Variants in NDUFAF6 observed in about 807,000 individuals in gnomAD.
NDUFAF6 encodes the protein NADH dehydrogenase (ubiquinone) complex I, assembly factor 6.
In NDUFAF6, 45 loss-of-function variants were observed where a neutral mutation model predicts 40.8. That is an observed-to-expected ratio of 1.10 (90% CI 0.87 to 1.42). The LOEUF is 1.42. Ranked by LOEUF, NDUFAF6 falls within the 40% of genes most tolerant of loss-of-function variation. The pLI, the probability that NDUFAF6 is intolerant of heterozygous loss-of-function variation, is 0.00. For synonymous variants in NDUFAF6, 185 were observed against 155.9 expected (o/e 1.19, Z -1.39); for missense variants, 435 against 418.5 (o/e 1.04, Z -0.34).
intron 1 of NDUFAF6, among the ~76,000 whole-genome samples, chr8:94,969,930 G>A (rs1328324602): frequency 6.6e-6 from 1 of 152,082 alleles, no homozygotes; most frequent in East Asian, 1.9e-4. Flanking sequence ...AAAGAAAACT[G>A]GCACCATTAG....
chr8:94,990,496 C>T (rs1028349850), intron 2 of NDUFAF6, among the ~76,000 whole-genome samples: 2 of 152,130 alleles, frequency 1.3e-5, no homozygotes, highest in African/African-American at 4.8e-5. Context: ...TTCTTGAGTT[C>T]CCTGCTCTCT....
chr8:94,994,534 GAA>G (rs199859068), intron 2 of NDUFAF6, among the ~76,000 whole-genome samples: 3 of 135,598 alleles, frequency 2.2e-5, no homozygotes, highest in Admixed American at 7.5e-5. Flanking sequence ...CATCTCAAAG[GAA>G]AAAAAAAAAA....
At chr8:94,977,725 GT>G (rs1825090058) in intron 1 of NDUFAF6, among the ~76,000 whole-genome samples, 1 of 151,962 alleles carries the variant, frequency 6.6e-6, no homozygotes. Flanking sequence ...TTCTGTGGGG[GT>G]CTCAGGCCTT....
Position 95,110,534 on chromosome 8 carries a change from A to G in NDUFAF6, n.345-5002A>G, listed in dbSNP as rs1251806394. Among the ~76,000 whole-genome samples, 4 of 152,224 alleles carry G rather than the reference A, an allele frequency of 2.6e-5. 1 individual carries two copies. Among genetic ancestry groups the G allele is most frequent in the African/African-American group, 9.6e-5 (4 of 41,468 alleles). On this transcript the variant is annotated intron_variant and non_coding_transcript_variant, in intron 4 of 5. Transcript: ENST00000523184. ...TTCTATAGTCTTCAAAAAACCCAATAAGGCAGATACTATTCTTATCCTGAT... is the reference window on the plus strand; with the variant it reads ...TTCTATAGTCTTCAAAAAACCCAATGAGGCAGATACTATTCTTATCCTGAT...
intron 8 of NDUFAF6, among the ~76,000 whole-genome samples, chr8:95,056,472 C>CA (rs896434329): frequency 6.6e-6 from 1 of 152,080 alleles, no homozygotes; most frequent in Non-Finnish European, 1.5e-5. Flanking sequence ...CTCGGTCTCC[C>CA]AAAGTGCTGG....
chr8:95,033,435 T>G (rs919541898), intron 2 of NDUFAF6, among the ~76,000 whole-genome samples: 1 of 152,222 alleles, frequency 6.6e-6, no homozygotes, highest in Non-Finnish European at 1.5e-5. Flanking sequence ...TTGCTGCTGC[T>G]TTGCACATGG....
At chr8:95,080,963 C>T (rs1808839998), downstream of NDUFAF6, among the ~76,000 whole-genome samples, 1 of 152,134 alleles carries the variant, frequency 6.6e-6, no homozygotes, top group South Asian at 2.1e-4. Context: ...TGTTAGCCCA[C>T]CTAGCCTCGT....
chr8:94,921,707 A>G (rs1487284296), intron 1 of NDUFAF6, among the ~76,000 whole-genome samples: 2 of 152,240 alleles, frequency 1.3e-5, no homozygotes, highest in Non-Finnish European at 1.5e-5. Flanking sequence ...CATCTGGGGA[A>G]TCCTACTAAA....
At chr8:95,066,623 T>A (rs1325786230) in intron 9 of NDUFAF6, among the ~76,000 whole-genome samples, 1 of 152,126 alleles carries the variant, frequency 6.6e-6, no homozygotes, top group African/African-American at 2.4e-5. Context: ...TTCACTGTGT[T>A]TAATGAGAAT....
intron 1 of NDUFAF6, among the ~76,000 whole-genome samples, chr8:94,899,357 A>G (rs1373281489): frequency 1.3e-5 from 2 of 152,270 alleles, no homozygotes; most frequent in Admixed American, 6.5e-5. Context: ...AACTGCATAC[A>G]TAGTTGCCCA....
intron 1 of NDUFAF6, among the ~76,000 whole-genome samples, chr8:94,909,657 G>C (rs927044921): frequency 6.6e-6 from 1 of 151,732 alleles, no homozygotes; most frequent in Non-Finnish European, 1.5e-5. Context: ...CAAAAAGCCA[G>C]CCGGGCGTGG....
At chr8:95,035,012 T>C (rs1293710212) in intron 2 of NDUFAF6, among the ~76,000 whole-genome samples, 3 of 152,114 alleles carry the variant, frequency 2.0e-5, no homozygotes, top group African/African-American at 7.2e-5. Flanking sequence ...CCTGAGTAGC[T>C]GGGATTACAG....
At chr8:94,962,725 A>G (rs1449864471) in intron 1 of NDUFAF6, among the ~76,000 whole-genome samples, 1 of 147,570 alleles carries the variant, frequency 6.8e-6, no homozygotes, top group African/African-American at 2.5e-5. Context: ...TGATCCTCCC[A>G]CCTTGGCTTC....
At chr8:95,102,086 C>T (rs559236303) in intron 2 of NDUFAF6, among the ~76,000 whole-genome samples, 2 of 152,234 alleles carry the variant, frequency 1.3e-5, no homozygotes, top group South Asian at 4.1e-4. Context: ...CAACCTCCAC[C>T]TCCCGGGTTC....
At chr8:95,099,268 T>C (rs908514349), upstream of NDUFAF6, among the ~76,000 whole-genome samples, 3 of 151,370 alleles carry the variant, frequency 2.0e-5, no homozygotes, top group African/African-American at 7.3e-5. Context: ...AAAGCTGGCG[T>C]CTCTTTCAGA....
chr8:95,109,523 G>A (rs1809932776), intron 4 of NDUFAF6, among the ~76,000 whole-genome samples: 2 of 152,088 alleles, frequency 1.3e-5, no homozygotes, highest in Non-Finnish European at 1.5e-5. Context: ...ATGATAAGAT[G>A]TATAAATGCG....
intron 1 of NDUFAF6, among the ~76,000 whole-genome samples, chr8:94,968,329 A>G (rs1331402833): frequency 6.6e-6 from 1 of 152,222 alleles, no homozygotes; most frequent in Non-Finnish European, 1.5e-5. Flanking sequence ...TATTCTAGTC[A>G]GTGGAGACAG....
intron 1 of NDUFAF6, 119 bp downstream of exon 1, chr8:95,025,324 C>G: frequency 9.4e-7 from 1 of 1,062,162 alleles, no homozygotes; most frequent in South Asian, 2.4e-5. Flanking sequence ...TCGTGCCCCT[C>G]TGGGTGTGCG....
At chr8:94,900,886 C>T (rs565412792) in intron 1 of NDUFAF6, among the ~76,000 whole-genome samples, 1 of 152,156 alleles carries the variant, frequency 6.6e-6, no homozygotes, top group Non-Finnish European at 1.5e-5. Flanking sequence ...TTAGTTCATT[C>T]ATTAATTCAA....
Sources: gnomAD v4.1 joint callset for allele counts (sites outside exome capture counted in the v4.1 genomes callset) on GRCh38, gnomAD v4.1.1 for gene constraint, MANE v1.5 for transcripts, NCBI Gene and HGNC (gene_info 2026-07-23, HGNC 2026-07-21) for gene names.